The following MTMR3 variants were observed in gnomAD, a reference collection of about 807,000 sequenced individuals.
The protein encoded by MTMR3 is myotubularin related protein 3.
Under a neutral mutation model 132.4 loss-of-function variants are expected in MTMR3, and 32 were observed. That is an observed-to-expected ratio of 0.24 (90% CI 0.18 to 0.32). The LOEUF is 0.32. MTMR3 is among the 10% of genes least tolerant of loss of function. The pLI, the probability that MTMR3 is intolerant of heterozygous loss-of-function variation, is 1.00. For missense variants in MTMR3, 1,216 were observed against 1,489.6 expected (o/e 0.82, Z 3.02); for synonymous variants, 556 against 550.3 (o/e 1.01, Z -0.14).
At chr22:30,009,206 A>G (rs548455313) in intron 12 of MTMR3, 77 bp downstream of exon 12, 2 of 972,680 alleles carry the variant, frequency 2.1e-6, no homozygotes, top group South Asian at 1.4e-5. Flanking sequence ...ACTAAGGGGG[A>G]AAAAAAGAAA....
chr22:29,979,531 A>G (rs1304341612), intron 5 of MTMR3: 2 of 219,882 alleles, frequency 9.1e-6, no homozygotes, highest in Non-Finnish European at 1.8e-5. Flanking sequence ...ACACTAGATC[A>G]GCAAGCAGCT....
At chr22:30,023,541 A>T (rs748162695) in intron 19 of MTMR3, 16 of 1,592,132 alleles carry the variant, frequency 1.0e-5, no homozygotes, top group Non-Finnish European at 1.4e-5. Context: ...ACTTCTCCAC[A>T]CTAACTCTTA....
At position 30,002,908 on chromosome 22, in the gene MTMR3, A is replaced by G; in HGVS notation, c.586A>G (p.Ile196Val). ...ATGTGGTAGCTATCCTCAAGAGCTC[A>G]TAGTGCCTGCCTGGATCACTGACAA... is the stretch of plus-strand genomic sequence containing the variant. ...KLCGSYPQEL[I>V]VPAWITDKEL... is the part of the protein sequence containing the mutation. The change falls in exon 9 of 20, where the codon ATA (isoleucine) becomes GTA (valine). Residue 196 changes from isoleucine to valine, a missense_variant. By Grantham distance (29) the Ile-to-Val change is conservative (BLOSUM62 3). Around this residue, in one of 7 missense-constraint regions of MTMR3, gnomAD observed 129 missense variants for 245.7 expected, o/e 0.53. Transcript: ENST00000401950. 1.9e-6 allele frequency: 3 copies of G among 1,614,040 alleles called. No homozygotes were observed. The highest frequency in any genetic ancestry group is 4.5e-5 in the East Asian group (2 of 44,872).
chr22:29,949,156 C>A lies in MTMR3; in HGVS notation c.-137-7880C>A, dbSNP rs1342569975. ...ACACACACACACACCCCCCCCCCCCCCCCCGAGGCCCTGTCTTAAAACACA... is the reference window on the plus strand; with the variant it reads ...ACACACACACACACCCCCCCCCCCCACCCCGAGGCCCTGTCTTAAAACACA... On this transcript the variant is annotated intron_variant, in intron 1 of 19. Transcript: ENST00000401950. 5.6e-3 allele frequency among the ~76,000 whole-genome samples: 463 copies of A among 83,106 alleles called. 32 individuals are homozygous for A. Among genetic ancestry groups the A allele is most frequent in the African/African-American group, 0.02 (434 of 21,844 alleles). The allele number at this position is 83,106 out of a possible 152,430, so 54.5% of individuals were successfully genotyped here. A position where few individuals can be genotyped will look rare whatever the true frequency, so the allele number is the denominator to read the frequency against.
At chr22:29,951,543 T>C (rs1210927861) in intron 1 of MTMR3, among the ~76,000 whole-genome samples, 1 of 152,216 alleles carries the variant, frequency 6.6e-6, no homozygotes, top group African/African-American at 2.4e-5. Flanking sequence ...TCTAAAAATG[T>C]TAGTGTGTAA....
At chr22:29,983,490 G>T (rs1684294158) in intron 5 of MTMR3, 1 of 151,840 alleles carries the variant, frequency 6.6e-6, no homozygotes, top group African/African-American at 2.4e-5. Context: ...TGCGAAGGAG[G>T]TTATTGTTAA....
At chr22:29,949,408 A>G (rs1451479627) in intron 1 of MTMR3, among the ~76,000 whole-genome samples, 3 of 150,084 alleles carry the variant, frequency 2.0e-5, no homozygotes, top group African/African-American at 7.4e-5. Flanking sequence ...AAGCAGGAGA[A>G]TCGCTGGAAC....
chr22:29,938,909 C>T (rs1418693484), intron 1 of MTMR3, among the ~76,000 whole-genome samples: 1 of 152,002 alleles, frequency 6.6e-6, no homozygotes, highest in Non-Finnish European at 1.5e-5. Context: ...ACAACCTCCA[C>T]CTCCCGGGTT....
At chr22:29,904,490 T>G (rs1325085204) in intron 1 of MTMR3, among the ~76,000 whole-genome samples, 1 of 152,214 alleles carries the variant, frequency 6.6e-6, no homozygotes, top group Non-Finnish European at 1.5e-5. Flanking sequence ...TCTGTGATCT[T>G]GGGGAAGTTC....
chr22:29,890,176 G>T (rs1286318621), intron 1 of MTMR3, among the ~76,000 whole-genome samples: 1 of 151,692 alleles, frequency 6.6e-6, no homozygotes, highest in African/African-American at 2.4e-5. Context: ...AAAGTGCTGG[G>T]ATTACAGGCC....
intron 1 of MTMR3, among the ~76,000 whole-genome samples, chr22:29,912,279 T>G (rs559798640): frequency 9.8e-5 from 15 of 152,324 alleles, no homozygotes; most frequent in South Asian, 4.1e-4. Flanking sequence ...TATTTATTTA[T>G]GTTTATGAAT....
intron 1 of MTMR3, among the ~76,000 whole-genome samples, chr22:29,889,422 G>A (rs1362746767): frequency 6.6e-6 from 1 of 151,620 alleles, no homozygotes; most frequent in Non-Finnish European, 1.5e-5. Flanking sequence ...GAGTAGTTGG[G>A]ATTACAGGTA....
intron 1 of MTMR3, among the ~76,000 whole-genome samples, chr22:29,953,366 G>A (rs943471460): frequency 3.3e-5 from 5 of 152,112 alleles, no homozygotes; most frequent in Non-Finnish European, 7.4e-5. Flanking sequence ...TTATATAAAC[G>A]GTACAAATTG....
At chr22:29,967,420 G>A (rs2066450027) in intron 2 of MTMR3, among the ~76,000 whole-genome samples, 1 of 150,232 alleles carries the variant, frequency 6.7e-6, no homozygotes, top group African/African-American at 2.5e-5. Flanking sequence ...TTTCAGTAGA[G>A]ACAGTCTTGC....
intron 1 of MTMR3, among the ~76,000 whole-genome samples, chr22:29,929,438 A>C (rs965673665): frequency 6.6e-6 from 1 of 151,998 alleles, no homozygotes; most frequent in African/African-American, 2.4e-5. Context: ...ACATGTTTTC[A>C]TATGTGTGTT....
At chr22:29,894,069 T>A (rs1415080699) in intron 1 of MTMR3, among the ~76,000 whole-genome samples, 1 of 152,172 alleles carries the variant, frequency 6.6e-6, no homozygotes, top group African/African-American at 2.4e-5. Context: ...GGTCTTGAAC[T>A]CCTGACCGCA....
rs1188296100 is a variant in MTMR3, at chr22:29,984,958, C to G, written c.211-3522C>G. 4 of 152,338 alleles carry G rather than the reference C, an allele frequency of 2.6e-5. No homozygotes were observed. The East Asian group carries it at 7.7e-4, about 29-fold the overall frequency. 9.4% of individuals were successfully genotyped at this position (152,338 alleles called of 1,614,324 possible). ...GACATGGATCCTGGTCCTGACTTTACTACTATATTAGCTTATAGTGTAGTA... is the reference window on the plus strand; with the variant it reads ...GACATGGATCCTGGTCCTGACTTTAGTACTATATTAGCTTATAGTGTAGTA... On this transcript the variant is annotated intron_variant, in intron 5 of 19. Coordinates refer to ENST00000401950, the MANE Select transcript of MTMR3 (RefSeq NM_021090.4).
At chr22:29,935,069 A>AGT (rs879745204) in intron 1 of MTMR3, among the ~76,000 whole-genome samples, 9 of 152,214 alleles carry the variant, frequency 5.9e-5, no homozygotes, top group Non-Finnish European at 8.8e-5. Flanking sequence ...TGTAATGAAG[A>AGT]CGTTTTAAGA....
intron 1 of MTMR3, among the ~76,000 whole-genome samples, chr22:29,926,866 T>C (rs2065527661): frequency 6.6e-6 from 1 of 152,244 alleles, no homozygotes; most frequent in African/African-American, 2.4e-5. Context: ...CATTTTTCTT[T>C]AGCCACTAAA....
Sources: gnomAD v4.1 joint callset for allele counts (sites outside exome capture counted in the v4.1 genomes callset) on GRCh38, gnomAD v4.1.1 for gene constraint, gnomAD v4.1.1 regional missense constraint, MANE v1.5 for transcripts, NCBI Gene and HGNC (gene_info 2026-07-23, HGNC 2026-07-21) for gene names.